The following WFDC1 variants were observed in gnomAD, a reference collection of about 807,000 sequenced individuals.
The protein encoded by WFDC1 is WAP four-disulfide core domain protein 1.
A neutral mutation model predicts 32.9 loss-of-function variants in WFDC1; 39 were observed. The observed-to-expected ratio is 1.19, with a 90% CI of 0.92 to 1.55. The LOEUF (loss-of-function observed/expected upper bound fraction) is 1.55, where lower values mean the gene tolerates loss of function less well. Ranked by LOEUF, WFDC1 falls within the 40% of genes most tolerant of loss-of-function variation. WFDC1 has a pLI of 0.00. For synonymous variants in WFDC1, 184 were observed against 137.4 expected, an observed-to-expected ratio of 1.34 and a Z score of -2.37; for missense variants, 386 against 309.5, an observed-to-expected ratio of 1.25 and a Z score of -1.85.
intron 1 of WFDC1, among the ~76,000 whole-genome samples, chr16:84,310,664 A>G (rs1412868931): frequency 6.6e-6 from 1 of 151,744 alleles, no homozygotes; most frequent in Non-Finnish European, 1.5e-5. Flanking sequence ...ATGCAAATAG[A>G]TATATATATG....
At chr16:84,306,891 G>A (rs1239140366) in intron 1 of WFDC1, among the ~76,000 whole-genome samples, 1 of 152,204 alleles carries the variant, frequency 6.6e-6, no homozygotes, top group African/African-American at 2.4e-5. Context: ...CCAAGTTCCT[G>A]TCCCTAGGAG....
intron 1 of WFDC1, among the ~76,000 whole-genome samples, chr16:84,301,825 G>C (rs182214654): frequency 4.3e-4 from 66 of 152,292 alleles, no homozygotes; most frequent in African/African-American, 1.6e-3. Context: ...CTGGGACTGA[G>C]ATTCCTCATC....
intron 1 of WFDC1, among the ~76,000 whole-genome samples, chr16:84,306,726 C>G (rs1215885042): frequency 6.6e-6 from 1 of 152,030 alleles, no homozygotes; most frequent in East Asian, 1.9e-4. Context: ...TAGAAGGGTG[C>G]CCAGCAAACT....
intron 1 of WFDC1, chr16:84,295,481 A>G (rs542960688): frequency 2.6e-6 from 1 of 391,108 alleles, no homozygotes; most frequent in African/African-American, 2.0e-5. Context: ...TGTGAAATAC[A>G]CTTATGCATT....
chr16:84,318,960 CTG>C (rs1908131312), intron 3 of WFDC1: 1 of 198,204 alleles, frequency 5.0e-6, no homozygotes, highest in Non-Finnish European at 1.0e-5. Flanking sequence ...AAGTGTGTGA[CTG>C]TATTGTGAGT....
chr16:84,327,079 T>A, intron 6 of WFDC1, 124 bp downstream of exon 6: 1 of 910,646 alleles, frequency 1.1e-6, no homozygotes, highest in Non-Finnish European at 1.7e-6. Flanking sequence ...TGGTAGAATT[T>A]GAAATTCCCT....
At chr16:84,308,054 C>T (rs570023868) in intron 1 of WFDC1, among the ~76,000 whole-genome samples, 25 of 152,320 alleles carry the variant, frequency 1.6e-4, no homozygotes, top group Admixed American at 5.2e-4. Context: ...TTTCACTTTT[C>T]GTGAATTTAA....
chr16:84,318,531 C>G, intron 3 of WFDC1, 176 bp downstream of exon 3: 2 of 620,314 alleles, frequency 3.2e-6, no homozygotes, highest in Non-Finnish European at 2.9e-6. Context: ...TGGCTGGGGG[C>G]TTGGCCAGAA....
intron 4 of WFDC1, among the ~76,000 whole-genome samples, chr16:84,322,145 C>CTGTGTGTGTGTGCG (rs1185386626): frequency 3.4e-3 from 372 of 109,420 alleles, no homozygotes; most frequent in Non-Finnish European, 5.5e-3. Context: ...GCCTCAGAGC[C>CTGTGTGTGTGTGCG]TGTGTGTGTG....
At chr16:84,301,277 G>A (rs1906916602) in intron 1 of WFDC1, among the ~76,000 whole-genome samples, 1 of 152,190 alleles carries the variant, frequency 6.6e-6, no homozygotes, top group Non-Finnish European at 1.5e-5. Flanking sequence ...GCATTTTGTT[G>A]CAGCACCCTC....
At chr16:84,305,464 C>G (rs979273187) in intron 1 of WFDC1, among the ~76,000 whole-genome samples, 1 of 152,212 alleles carries the variant, frequency 6.6e-6, no homozygotes, top group South Asian at 2.1e-4. Context: ...GAGGTTATAT[C>G]CAATCCCACT....
At chr16:84,319,245 C>T (rs1001916240) in intron 3 of WFDC1, 186 bp from the exon 4 acceptor site, 9 of 666,382 alleles carry the variant, frequency 1.4e-5, no homozygotes, top group Middle Eastern at 3.6e-4. Context: ...TGGGTGTGCA[C>T]GTGTGCCACA....
At chr16:84,318,517 C>A in intron 3 of WFDC1, 162 bp downstream of exon 3, 2 of 652,578 alleles carry the variant, frequency 3.1e-6, no homozygotes, top group Non-Finnish European at 5.5e-6. Context: ...CGAAGAAGGG[C>A]TGATGGCTGG....
chr16:84,306,496 T>G (rs977722323), intron 1 of WFDC1, among the ~76,000 whole-genome samples: 1 of 152,220 alleles, frequency 6.6e-6, no homozygotes, highest in Non-Finnish European at 1.5e-5. Context: ...CTTTACATTT[T>G]GAAAGCATCC....
At chr16:84,304,715 G>A (rs1009960772) in intron 1 of WFDC1, among the ~76,000 whole-genome samples, 1 of 152,224 alleles carries the variant, frequency 6.6e-6, no homozygotes, top group African/African-American at 2.4e-5. Context: ...CGTCTGGGGT[G>A]AGTGTCCTCC....
chr16:84,303,209 A>G (rs376261408), intron 1 of WFDC1, among the ~76,000 whole-genome samples: 3 of 152,156 alleles, frequency 2.0e-5, no homozygotes. Flanking sequence ...ATTCCAGAGG[A>G]AGAGCAAGTA....
At chr16:84,323,092 GC>G (rs1274944965) in intron 4 of WFDC1, among the ~76,000 whole-genome samples, 1 of 152,178 alleles carries the variant, frequency 6.6e-6, no homozygotes, top group African/African-American at 2.4e-5. Context: ...GTTTTGGGGA[GC>G]TCCCCCAGCC....
At chr16:84,310,378 C>G (rs1471400236) in intron 1 of WFDC1, among the ~76,000 whole-genome samples, 2 of 152,106 alleles carry the variant, frequency 1.3e-5, no homozygotes, top group Non-Finnish European at 2.9e-5. Flanking sequence ...ACGGCGCCCA[C>G]ACTGTCATCA....
Position 84,318,302 on chromosome 16 carries a change from G to A in WFDC1, c.368G>A (p.Arg123Gln), listed in dbSNP as rs552902885. The change falls in exon 3 of 7, where the codon CGA becomes CAA. Residue 123 changes from arginine to glutamine, a missense_variant. By Grantham distance (43) the Arg-to-Gln change is conservative. Coordinates refer to ENST00000219454, the MANE Select transcript of WFDC1 (RefSeq NM_021197.4). ...GACTGGCTGGTGCAGCCGAAACCTCGATGGCTTGGTGGCAATGGCTGGCTC... is the reference window on the plus strand; with the variant it reads ...GACTGGCTGGTGCAGCCGAAACCTCAATGGCTTGGTGGCAATGGCTGGCTC... ...VLDWLVQPKPRWLGGNGWLLD... is the reference protein window; with the variant it reads ...VLDWLVQPKPQWLGGNGWLLD... 23 of 1,613,970 alleles carry A rather than the reference G, an allele frequency of 1.4e-5. No homozygotes were observed. The highest frequency in any genetic ancestry group is 4.5e-5 in the East Asian group (2 of 44,882).
Sources: allele counts gnomAD v4.1 joint callset (sites outside exome capture counted in the v4.1 genomes callset), GRCh38; gene constraint gnomAD v4.1.1; transcripts MANE v1.5; gene names NCBI Gene and HGNC (gene_info 2026-07-23, HGNC 2026-07-21).